The following KCNQ3 variants were observed in gnomAD, a reference collection of about 807,000 sequenced individuals.
The protein encoded by KCNQ3 is potassium voltage-gated channel subfamily KQT member 3.
In KCNQ3, 30 loss-of-function variants were observed where a neutral mutation model predicts 92.5. That is an observed-to-expected ratio of 0.32 (90% CI 0.24 to 0.44). The LOEUF is 0.44. KCNQ3 is among the 20% of genes least tolerant of loss of function. KCNQ3 has a pLI of 1.00. For synonymous variants in KCNQ3, 450 were observed against 468.8 expected, an observed-to-expected ratio of 0.96 and a Z score of 0.52; for missense variants, 913 against 1,140.3, an observed-to-expected ratio of 0.80 and a Z score of 2.87.
At chr8:132,280,333 C>T (rs1442022477) in intron 1 of KCNQ3, among the ~76,000 whole-genome samples, 4 of 152,142 alleles carry the variant, frequency 2.6e-5, no homozygotes, top group Non-Finnish European at 4.4e-5. Flanking sequence ...GCTGTACAAG[C>T]ATGGTGCTGG....
In KCNQ3 at chr8:132,129,123, T is replaced by G; in HGVS notation, c.*139A>C. Reference sequence around the variant, plus strand: ...GGAGGAAGAGGCTGTGGGAAGCCCCTGCCTGGGTGGGGCCACCACGCACAC... The same window carrying G: ...GGAGGAAGAGGCTGTGGGAAGCCCCGGCCTGGGTGGGGCCACCACGCACAC... On this transcript the variant is annotated 3_prime_UTR_variant, in exon 15 of 15. Coordinates refer to ENST00000388996, the MANE Select transcript of KCNQ3 (RefSeq NM_004519.4). The surrounding 1 kb of genome is among the most constrained non-coding windows in gnomAD (Gnocchi z 5.9). The G allele has an allele frequency of 1.0e-6, 1 of 982,246 alleles. No individual in the cohort carries two copies. The highest frequency in any genetic ancestry group is 1.5e-6 in the Non-Finnish European group (1 of 654,034). 60.8% of individuals were successfully genotyped at this position (982,246 alleles called of 1,614,324 possible). A position where few individuals can be genotyped will look rare whatever the true frequency, so the allele number is the denominator to read the frequency against.
In KCNQ3 at chr8:132,174,801, T is replaced by C. The variant is rs1025912292; in HGVS notation, c.934-452A>G. Reference sequence around the variant, plus strand: ...GTTTATGTTATCAGTATACATGTACTTATGCATGTGTATCTGCATGTGAAA... The same window carrying C: ...GTTTATGTTATCAGTATACATGTACCTATGCATGTGTATCTGCATGTGAAA... On this transcript the variant is annotated intron_variant, in intron 5 of 14. Coordinates refer to ENST00000388996, the MANE Select transcript of KCNQ3 (RefSeq NM_004519.4). 2.6e-5 allele frequency among the ~76,000 whole-genome samples: 4 copies of C among 152,214 alleles called. No individual in the cohort carries two copies. The East Asian group carries it at 7.7e-4, about 29-fold the overall frequency.
intron 1 of KCNQ3, among the ~76,000 whole-genome samples, chr8:132,188,936 C>T (rs1586815345): frequency 6.6e-6 from 1 of 152,168 alleles, no homozygotes; most frequent in Admixed American, 6.5e-5. Context: ...GGAGTCTGGA[C>T]CCCTAGGCCT....
chr8:132,461,640 A>G (rs759723899), intron 1 of KCNQ3, among the ~76,000 whole-genome samples: 13 of 152,314 alleles, frequency 8.5e-5, no homozygotes, highest in South Asian at 4.1e-4. Context: ...TCCCATCAGC[A>G]ATGAATCACA....
chr8:132,397,217 C>T (rs1820216452), intron 1 of KCNQ3, among the ~76,000 whole-genome samples: 1 of 152,002 alleles, frequency 6.6e-6, no homozygotes, highest in Admixed American at 6.6e-5. Flanking sequence ...TGAGTCAGGC[C>T]CTCTGTGCCC....
intron 1 of KCNQ3, among the ~76,000 whole-genome samples, chr8:132,235,272 G>GC (rs1203688533): frequency 1.3e-5 from 2 of 151,912 alleles, no homozygotes; most frequent in Admixed American, 6.6e-5. Context: ...GCCAAGGGTG[G>GC]GGGGGGAATC....
At chr8:132,364,129 C>G (rs1400766434) in intron 1 of KCNQ3, among the ~76,000 whole-genome samples, 1 of 152,124 alleles carries the variant, frequency 6.6e-6, no homozygotes, top group Non-Finnish European at 1.5e-5. Context: ...CAATGATTCT[C>G]TGGCTCTAAT....
intron 1 of KCNQ3, among the ~76,000 whole-genome samples, chr8:132,359,586 C>G (rs898849695): frequency 6.6e-6 from 1 of 152,136 alleles, no homozygotes; most frequent in African/African-American, 2.4e-5. Context: ...AATCTGCTTA[C>G]ACACTCCAGA....
intron 3 of KCNQ3, among the ~76,000 whole-genome samples, chr8:132,181,295 A>C (rs970843165): frequency 3.9e-5 from 6 of 152,176 alleles, no homozygotes; most frequent in African/African-American, 1.4e-4. Flanking sequence ...TTTCCTGCAG[A>C]GTTACCAAGT....
intron 1 of KCNQ3, among the ~76,000 whole-genome samples, chr8:132,367,235 A>G (rs1444304993): frequency 1.3e-5 from 2 of 152,016 alleles, no homozygotes; most frequent in African/African-American, 4.8e-5. Context: ...TTGATCCACA[A>G]TGATTTCCCA....
chr8:132,206,171 C>A (rs1813650392), intron 1 of KCNQ3, among the ~76,000 whole-genome samples: 1 of 152,162 alleles, frequency 6.6e-6, no homozygotes, highest in South Asian at 2.1e-4. Context: ...AGTCCAGAGC[C>A]TACGATCTAG....
rs934353591 is a variant in KCNQ3, at chr8:132,306,162, G to A, written c.387-119981C>T. 4.9e-4 allele frequency among the ~76,000 whole-genome samples: 74 copies of A among 152,070 alleles called. 1 individual carries two copies. Among genetic ancestry groups the A allele is most frequent in the African/African-American group, 1.6e-3 (68 of 41,396 alleles). ...ATATCTGTGTGCTTTCTACTACTCT[G>A]GACTGAACTCAAACGTGGGCATTTG... On this transcript the variant is annotated intron_variant, in intron 1 of 14. Transcript: ENST00000388996.
chr8:132,417,203 C>A (rs1731280254), intron 1 of KCNQ3, among the ~76,000 whole-genome samples: 1 of 152,180 alleles, frequency 6.6e-6, no homozygotes, highest in African/African-American at 2.4e-5. Flanking sequence ...GGGAAATCAA[C>A]AAGGGAGGGT....
At chr8:132,457,182 C>A (rs2130855098) in intron 1 of KCNQ3, among the ~76,000 whole-genome samples, 1 of 152,330 alleles carries the variant, frequency 6.6e-6, no homozygotes, top group Admixed American at 6.5e-5. Flanking sequence ...GGAACTCTAA[C>A]AGTGCTGTGG....
chr8:132,390,472 A>G (rs2673589), intron 1 of KCNQ3, among the ~76,000 whole-genome samples: 78,367 of 152,014 alleles, frequency 0.52, 22,508 homozygotes, highest in Middle Eastern at 0.68. Flanking sequence ...ATGATATTAA[A>G]GCAACCCAAC....
chr8:132,198,120 T>C (rs1408605494), intron 1 of KCNQ3, among the ~76,000 whole-genome samples: 1 of 152,242 alleles, frequency 6.6e-6, no homozygotes, highest in Non-Finnish European at 1.5e-5. Flanking sequence ...ACAAGTAGAC[T>C]GTCTCTCTTG....
intron 1 of KCNQ3, among the ~76,000 whole-genome samples, chr8:132,405,445 A>G (rs1453529152): frequency 6.6e-6 from 1 of 152,182 alleles, no homozygotes; most frequent in Non-Finnish European, 1.5e-5. Context: ...TCCTTCTTGT[A>G]TTTGGTTTCA....
intron 1 of KCNQ3, among the ~76,000 whole-genome samples, chr8:132,425,097 G>C (rs967189978): frequency 6.6e-6 from 1 of 152,298 alleles, no homozygotes; most frequent in South Asian, 2.1e-4. Flanking sequence ...GGTGGGTAAA[G>C]ACCCTCAGAT....
At chr8:132,434,205 C>T (rs1821326278) in intron 1 of KCNQ3, among the ~76,000 whole-genome samples, 1 of 82,072 alleles carries the variant, frequency 1.2e-5, no homozygotes, top group Admixed American at 1.2e-4. Flanking sequence ...GAGACTCCGT[C>T]TCAAAAAAAA....
Sources: gnomAD v4.1 joint callset for allele counts (sites outside exome capture counted in the v4.1 genomes callset) on GRCh38, gnomAD v4.1.1 for gene constraint, Gnocchi (gnomAD v3.1) non-coding constraint, MANE v1.5 for transcripts, NCBI Gene and HGNC (gene_info 2026-07-23, HGNC 2026-07-21) for gene names.